Variants in CASP6 observed in about 807,000 individuals in gnomAD.
CASP6 encodes the protein caspase-6.
In CASP6, 20 loss-of-function variants were observed where a neutral mutation model predicts 31.8. The ratio of observed to expected loss-of-function variants is 0.63; its 90% CI spans 0.44 to 0.91. CASP6 has a LOEUF of 0.91. CASP6 is among the 40% of genes least tolerant of loss of function. The probability of loss-of-function intolerance (pLI) is 0.00; values close to 1 mark genes in which losing one functional copy is unlikely to be tolerated. For missense variants in CASP6, 328 were observed against 361.1 expected (o/e 0.91, Z 0.74); for synonymous variants, 130 against 127.8 (o/e 1.02, Z -0.12).
the CASP6 span, among the ~76,000 whole-genome samples, chr4:109,670,906 C>T: frequency 3.3e-5 from 5 of 152,158 alleles, no homozygotes; most frequent in East Asian, 9.7e-4. Context: ...CCCTGGAATG[C>T]TTACATTTCA....
At chr4:109,667,955 T>C in the CASP6 span, among the ~76,000 whole-genome samples, 1 of 152,068 alleles carries the variant, frequency 6.6e-6, no homozygotes, top group South Asian at 2.1e-4. Context: ...ATTTTCCAGC[T>C]ATCTTTGGGT....
In CASP6 at chr4:109,698,185, T is replaced by G. The variant is rs537564867; in HGVS notation, c.83+115A>C. 353 of 1,096,806 alleles carry G rather than the reference T, an allele frequency of 3.2e-4. 1 individual carries two copies. The African/African-American group carries it at 5.1e-3, about 16-fold the overall frequency. The allele number at this position is 1,096,806 out of a possible 1,614,324, so 67.9% of individuals were successfully genotyped here. A position where few individuals can be genotyped will look rare whatever the true frequency, so the allele number is the denominator to read the frequency against. ...AAATGAGCTCCCCAAAGGCTAAAAC[T>G]TGGCCTACTCAGTTTTACTTCCTAG... On this transcript the variant is annotated intron_variant, in intron 2 of 6. Transcript: ENST00000265164.
rs2126155039 is a variant in CASP6, at chr4:109,689,260, TGTGA to T, written c.*66_*69del. On this transcript the variant is annotated 3_prime_UTR_variant, in exon 7 of 7. Transcript: ENST00000265164. Reference sequence around the variant, plus strand: ...ACTCCCAAAGTGCTGGGATTACAGGTGTGAGTAACCACGCCTGGCTGAGAAAGCC... The same window carrying T: ...ACTCCCAAAGTGCTGGGATTACAGGTGTAACCACGCCTGGCTGAGAAAGCC... The T allele has an allele frequency of 7.1e-7, 1 of 1,416,028 alleles. No individual in the cohort carries two copies. Among genetic ancestry groups the T allele is most frequent in the East Asian group, 2.3e-5 (1 of 43,764 alleles). The allele number at this position is 1,416,028 out of a possible 1,614,324, so 87.7% of individuals were successfully genotyped here.
chr4:109,706,162 T>C (rs201549514), upstream of CASP6, among the ~76,000 whole-genome samples: 323 of 87,704 alleles, frequency 3.7e-3, 15 homozygotes, highest in East Asian at 0.039. Context: ...TATATATATA[T>C]ATATATATAC....
At chr4:109,675,722 T>G in the CASP6 span, among the ~76,000 whole-genome samples, 1 of 152,204 alleles carries the variant, frequency 6.6e-6, no homozygotes, top group Admixed American at 6.5e-5. Flanking sequence ...GGCACTGCCC[T>G]AATGAATAGA....
intron 1 of CASP6, 115 bp from the exon 2 acceptor site, chr4:109,698,457 A>G (rs1248561677): frequency 1.2e-6 from 1 of 802,898 alleles, no homozygotes; most frequent in Non-Finnish European, 1.9e-6. Flanking sequence ...TGTTTTGGTT[A>G]GTTTAAAAGC....
chr4:109,687,389 G>A, downstream of CASP6: 1 of 624,676 alleles, frequency 1.6e-6, no homozygotes, highest in Non-Finnish European at 2.8e-6. Flanking sequence ...TCAGCCATTT[G>A]CCACTAATAG....
At chr4:109,701,986 C>T (rs984658586) in intron 1 of CASP6, among the ~76,000 whole-genome samples, 11 of 152,228 alleles carry the variant, frequency 7.2e-5, no homozygotes, top group South Asian at 2.1e-4. Context: ...TCATCGTCTT[C>T]ATTCACTGCA....
the CASP6 span, among the ~76,000 whole-genome samples, chr4:109,709,317 G>A: frequency 6.6e-6 from 1 of 152,152 alleles, no homozygotes; most frequent in Admixed American, 6.5e-5. Context: ...TCTCACGCAT[G>A]CTCATGTTTG....
intron 5 of CASP6, 118 bp from the exon 6 acceptor site, chr4:109,691,127 G>A: frequency 9.0e-7 from 1 of 1,114,302 alleles, no homozygotes; most frequent in Non-Finnish European, 1.2e-6. Context: ...CACATTCTGA[G>A]CAGTTCAGAA....
At chr4:109,697,869 C>T (rs1341521650) in intron 2 of CASP6, 101 bp from the exon 3 acceptor site, 4 of 1,316,082 alleles carry the variant, frequency 3.0e-6, no homozygotes, top group African/African-American at 3.0e-5. Flanking sequence ...GAGCTTCCTC[C>T]TTGCCAGGCT....
chr4:109,673,442 A>G, the CASP6 span, among the ~76,000 whole-genome samples: 1 of 152,186 alleles, frequency 6.6e-6, no homozygotes, highest in African/African-American at 2.4e-5. Context: ...CTAGGGCAGA[A>G]GCCTCCCTGG....
chr4:109,694,891 G>A (rs1730189347), intron 4 of CASP6, among the ~76,000 whole-genome samples, 191 bp from the exon 5 acceptor site: 1 of 152,146 alleles, frequency 6.6e-6, no homozygotes, highest in South Asian at 2.1e-4. Flanking sequence ...GGAGTGCAGT[G>A]GCGCGATCTT....
upstream of CASP6, among the ~76,000 whole-genome samples, chr4:109,705,584 G>C (rs186550599): frequency 2.0e-5 from 3 of 152,072 alleles, no homozygotes; most frequent in African/African-American, 7.2e-5. Flanking sequence ...TTCATCATTC[G>C]AGATGCCATT....
chr4:109,672,101 C>T, the CASP6 span, among the ~76,000 whole-genome samples: 1 of 151,844 alleles, frequency 6.6e-6, no homozygotes, highest in South Asian at 2.1e-4. Context: ...TTTAATTGGG[C>T]CTGTGTCTCT....
At position 109,688,796 on chromosome 4, in the gene CASP6, TTTTA is replaced by T. The variant is rs1399218435; in HGVS notation, c.*530_*533del. On this transcript the variant is annotated 3_prime_UTR_variant, in exon 7 of 7. Transcript: ENST00000265164. ...AAAAATAATACAAATGCTTATAAAT[TTTTA>T]TTTATCTAATTTCCTGAGGATTTTG... is the stretch of plus-strand genomic sequence containing the variant. The T allele has an allele frequency of 1.3e-5, 2 of 152,026 alleles. No homozygotes were observed. The highest frequency in any genetic ancestry group is 4.8e-5 in the African/African-American group (2 of 41,400). The allele number at this position is 152,026 out of a possible 1,614,324, so 9.4% of individuals were successfully genotyped here. A position where few individuals can be genotyped will look rare whatever the true frequency, so the allele number is the denominator to read the frequency against.
upstream of CASP6, among the ~76,000 whole-genome samples, chr4:109,706,131 T>TATATATATATA (rs60918624): frequency 7.0e-3 from 254 of 36,036 alleles, 34 homozygotes; most frequent in African/African-American, 0.024. Flanking sequence ...CCTATCCATT[T>TATATATATATA]TATATATATA....
chr4:109,670,019 C>T, the CASP6 span, among the ~76,000 whole-genome samples: 2 of 152,280 alleles, frequency 1.3e-5, no homozygotes, highest in East Asian at 1.9e-4. Context: ...GTCTGGCTCT[C>T]GTTCTGATGC....
chr4:109,698,892 C>T (rs1730333214), intron 1 of CASP6, among the ~76,000 whole-genome samples: 1 of 152,204 alleles, frequency 6.6e-6, no homozygotes, highest in Non-Finnish European at 1.5e-5. Context: ...GAGCCCTCTG[C>T]TCTCCATTCT....
Sources: gnomAD v4.1 joint callset for allele counts (sites outside exome capture counted in the v4.1 genomes callset) on GRCh38, gnomAD v4.1.1 for gene constraint, MANE v1.5 for transcripts, NCBI Gene and HGNC (gene_info 2026-07-23, HGNC 2026-07-21) for gene names.